Variants in DOCK6 observed in about 807,000 individuals in gnomAD.
The protein encoded by DOCK6 is dedicator of cytokinesis 6, also known as dedicator of cytokinesis protein 6.
DOCK6 carries 167 observed loss-of-function variants against 230.3 expected under a neutral mutation model. The observed-to-expected ratio is 0.73, with a 90% CI of 0.64 to 0.82. DOCK6 has a LOEUF of 0.82. DOCK6 is among the 40% of genes least tolerant of loss of function. DOCK6 has a pLI of 0.00. For missense variants in DOCK6, 2,598 were observed against 2,825.8 expected (o/e 0.92, Z 1.83); for synonymous variants, 1,148 against 1,185.0 (o/e 0.97, Z 0.64).
chr19:11,208,570 C>T (rs566467419), intron 39 of DOCK6, 116 bp downstream of exon 39: 39 of 1,424,288 alleles, frequency 2.7e-5, no homozygotes, highest in East Asian at 2.7e-4. Flanking sequence ...TGAGCCACCG[C>T]GCCCAGCCTA....
At chr19:11,237,077 G>T (rs940049572) in intron 18 of DOCK6, 198 bp from the exon 19 acceptor site, 14 of 605,246 alleles carry the variant, frequency 2.3e-5, no homozygotes, top group Non-Finnish European at 3.8e-5. Flanking sequence ...TGCCAAGACG[G>T]GGGCAGAGAA....
chr19:11,216,518 C>T (rs1178026303), intron 30 of DOCK6, among the ~76,000 whole-genome samples: 2 of 152,070 alleles, frequency 1.3e-5, no homozygotes, highest in African/African-American at 2.4e-5. Context: ...AGTGATTCTC[C>T]TGTCTCAGCC....
intron 14 of DOCK6, chr19:11,238,879 G>T (rs2079893951): frequency 6.4e-6 from 1 of 156,184 alleles, no homozygotes; most frequent in Admixed American, 6.2e-5. Flanking sequence ...CCTTTGTAAT[G>T]ATACTGATGA....
chr19:11,205,246 C>T lies in DOCK6; in HGVS notation c.5089-915G>A, dbSNP rs183054753. ...TTTTTTTAATACTTTGGGGTACATG[C>T]GCAGAACGTGCAGTTTTGTTACATA... is the stretch of plus-strand genomic sequence containing the variant. On this transcript the variant is annotated intron_variant, in intron 39 of 47. Transcript: ENST00000294618. 6.2e-3 allele frequency among the ~76,000 whole-genome samples: 949 copies of T among 152,150 alleles called. 3 individuals carry two copies. Among genetic ancestry groups the T allele is most frequent in the Middle Eastern group, 0.01 (3 of 294 alleles).
Position 11,200,666 on chromosome 19 carries a change from T to A in DOCK6, c.5939+50A>T. ...AGATCAGATGGGCAGAGAGCAGGCC[T>A]ATGCAGGTTAGGCAGACACGAGACC... On this transcript the variant is annotated intron_variant, in intron 46 of 47. Coordinates refer to ENST00000294618, the MANE Select transcript of DOCK6 (RefSeq NM_020812.4). This position sits in a 1 kb window ranked among gnomAD's most constrained non-coding sequence, Gnocchi z 4.3. The A allele has an allele frequency of 6.4e-7, 1 of 1,553,570 alleles. No homozygotes were observed. The highest frequency in any genetic ancestry group is 8.7e-7 in the Non-Finnish European group (1 of 1,145,886).
intron 37 of DOCK6, among the ~76,000 whole-genome samples, chr19:11,210,921 C>T (rs2079373306): frequency 6.6e-6 from 1 of 151,834 alleles, no homozygotes; most frequent in South Asian, 2.1e-4. Context: ...CCTCACCTGT[C>T]TATCCTGTCA....
Position 11,245,857 on chromosome 19 carries a change from G to C in DOCK6, c.828C>G (p.Pro276=). 1 of 1,567,860 alleles carries C rather than the reference G, an allele frequency of 6.4e-7. No individual in the cohort carries two copies. The highest frequency in any genetic ancestry group is 8.7e-7 in the Non-Finnish European group (1 of 1,155,938). Residue 276 remains proline (P), a synonymous_variant, in exon 8 of 48, where the codon CCC becomes CCG. Transcript: ENST00000294618. ...CATACAGAGCCAAGATCCCAAAGATGGGCTCAATTTCAATCTCGAACCTAC... is the reference window on the plus strand; with the variant it reads ...CATACAGAGCCAAGATCCCAAAGATCGGCTCAATTTCAATCTCGAACCTAC... ...LSLKFEIEIE[P]IFGILALYDV...
Position 11,199,297 on chromosome 19 carries a change from G to A in DOCK6, c.*200C>T. On this transcript the variant is annotated 3_prime_UTR_variant, in exon 48 of 48. Transcript: ENST00000294618. Reference sequence around the variant, plus strand: ...GTGACCGCACCACATGGCACAGGTTGCTTATAAAAACCATTTTAAATTAAA... The same window carrying A: ...GTGACCGCACCACATGGCACAGGTTACTTATAAAAACCATTTTAAATTAAA... 1 of 637,198 alleles carries A rather than the reference G, an allele frequency of 1.6e-6. No individual in the cohort carries two copies. The highest frequency in any genetic ancestry group is 2.7e-6 in the Non-Finnish European group (1 of 369,308). 39.5% of individuals were successfully genotyped at this position (637,198 alleles called of 1,614,324 possible). A position where few individuals can be genotyped will look rare whatever the true frequency, so the allele number is the denominator to read the frequency against.
intron 14 of DOCK6, chr19:11,241,787 A>G: frequency 6.5e-7 from 1 of 1,532,244 alleles, no homozygotes; most frequent in Non-Finnish European, 8.8e-7. Context: ...CACTGGGATC[A>G]GCCAGGGCGC....
rs776326229 is a variant in DOCK6 at position 11,199,449 on chromosome 19, G to A, written c.*48C>T. The stretch of plus-strand genomic sequence containing the variant: ...GACTCCCCTCGCAGCACAGACAGCT[G>A]AGGCCCGGGTGCTGGTTCCTCTAGG... On this transcript the variant is annotated 3_prime_UTR_variant, in exon 48 of 48. Transcript: ENST00000294618. 1.3e-6 allele frequency: 2 copies of A among 1,555,558 alleles called. No homozygotes were observed. The highest frequency in any genetic ancestry group is 8.7e-7 in the Non-Finnish European group (1 of 1,148,684).
intron 32 of DOCK6, 125 bp downstream of exon 32, chr19:11,215,262 A>T (rs2079463688): frequency 1.2e-6 from 1 of 834,548 alleles, no homozygotes; most frequent in Non-Finnish European, 1.9e-6. Flanking sequence ...CTAATTTTTA[A>T]ATTTTTGGTA....
At chr19:11,246,477 G>C (rs964772203) in intron 7 of DOCK6, among the ~76,000 whole-genome samples, 1 of 151,888 alleles carries the variant, frequency 6.6e-6, no homozygotes, top group African/African-American at 2.4e-5. Flanking sequence ...GTGCGTGGTG[G>C]GATTTCACCA....
chr19:11,202,229 T>C lies in DOCK6; in HGVS notation c.5452-104A>G. 1.4e-6 allele frequency: 2 copies of C among 1,411,322 alleles called. No homozygotes were observed. The highest frequency in any genetic ancestry group is 2.0e-6 in the Non-Finnish European group (2 of 1,022,054). The allele number at this position is 1,411,322 out of a possible 1,614,324, so 87.4% of individuals were successfully genotyped here. A position where few individuals can be genotyped will look rare whatever the true frequency, so the allele number is the denominator to read the frequency against. Reference sequence around the variant, plus strand: ...TGGGGACTTTGTCATTTCCAAGTCTTCCTATGTCTGGATGTTTGGGAATCC... The same window carrying C: ...TGGGGACTTTGTCATTTCCAAGTCTCCCTATGTCTGGATGTTTGGGAATCC... On this transcript the variant is annotated intron_variant, in intron 43 of 47. Transcript: ENST00000294618. This position sits in a 1 kb window ranked among gnomAD's most constrained non-coding sequence, Gnocchi z 5.3.
At chr19:11,207,942 CAAAG>C (rs2079289635) in intron 39 of DOCK6, among the ~76,000 whole-genome samples, 1 of 151,042 alleles carries the variant, frequency 6.6e-6, no homozygotes, top group African/African-American at 2.4e-5. Context: ...AAAAATATCA[CAAAG>C]AAAAAATATA....
rs1042743489 is a variant in DOCK6, at chr19:11,200,239, C to A, written c.6101+69G>T. 6 of 1,482,914 alleles carry A rather than the reference C, an allele frequency of 4.0e-6. No homozygotes were observed. The highest frequency in any genetic ancestry group is 5.4e-6 in the Non-Finnish European group (6 of 1,103,566). 91.9% of individuals were successfully genotyped at this position (1,482,914 alleles called of 1,614,324 possible). On this transcript the variant is annotated intron_variant, in intron 47 of 47. Coordinates refer to ENST00000294618, the MANE Select transcript of DOCK6 (RefSeq NM_020812.4). The surrounding 1 kb of genome is among the most constrained non-coding windows in gnomAD (Gnocchi z 4.3). ...GTGTATGTGTACAACAGCCCCCATC[C>A]TGTACCTGTCCTGGTCTGCCTCTGC...
Position 11,218,295 on chromosome 19 carries a change from C to T in DOCK6, c.3551-904G>A, listed in dbSNP as rs908640153. Among the ~76,000 whole-genome samples the T allele has an allele frequency of 6.0e-4, 91 of 151,916 alleles. 1 individual carries two copies. The highest frequency in any genetic ancestry group is 1.8e-3 in the African/African-American group (76 of 41,402). ...CCGAGTAGCTGGTATTACAGGTGCG[C>T]GCCACCGTGCATGGCTAATTTTTGT... On this transcript the variant is annotated intron_variant, in intron 28 of 47. Transcript: ENST00000294618.
At position 11,222,197 on chromosome 19, in the gene DOCK6, C is replaced by T. The variant is rs749031100; in HGVS notation, c.3292G>A (p.Glu1098Lys). 32 of 1,607,048 alleles carry T rather than the reference C, an allele frequency of 2.0e-5. No individual in the cohort carries two copies. The highest frequency in any genetic ancestry group is 3.3e-5 in the South Asian group (3 of 89,636). Residue 1098 changes from glutamate (E) to lysine (K), a missense_variant, in exon 27 of 48, where the codon GAA becomes AAA. Transcript: ENST00000294618. The surrounding 1 kb of genome is among the most constrained non-coding windows in gnomAD (Gnocchi z 4.0). ...TGCTGCCGGAATGGTCCACTCAGTTCGAACATGCTGGTCACCTTGGGGTCC... is the reference window on the plus strand; with the variant it reads ...TGCTGCCGGAATGGTCCACTCAGTTTGAACATGCTGGTCACCTTGGGGTCC... ...APDPKVTSMF[E>K]LSGPFRQQHF... is the part of the protein sequence containing the mutation.
Position 11,215,828 on chromosome 19 carries a change from G to A in DOCK6, c.3994C>T (p.Arg1332Ter), listed in dbSNP as rs776952607. 20 of 1,613,936 alleles carry A rather than the reference G, an allele frequency of 1.2e-5. No homozygotes were observed. The highest frequency in any genetic ancestry group is 3.3e-5 in the South Asian group (3 of 91,082). ...EEAILGTIGA[R>*]QEMVRRSRER... ...CGACTTCGCCGAACCATTTCTTGTC[G>A]AGCTCCGATGGTACCCAGAATGGCT... The change falls in exon 31 of 48, where the codon CGA becomes TGA. Residue 1332 changes from arginine (R) to a stop codon, truncating the protein, a stop_gained. Coordinates refer to ENST00000294618, the MANE Select transcript of DOCK6 (RefSeq NM_020812.4). LOFTEE classifies it high-confidence loss of function.
rs748713760 is a variant in DOCK6, at chr19:11,252,904, G to A, written c.187C>T (p.Arg63Trp). 8.7e-6 allele frequency: 14 copies of A among 1,613,252 alleles called. No individual in the cohort carries two copies. The highest frequency in any genetic ancestry group is 4.5e-5 in the East Asian group (2 of 44,850). ...GGCCCGGGCTCAGCATCTGGTGGCC[G>A]GCTCAGAAGTACATCCTCAAAGTCC... The part of the protein sequence containing the change: ...PLDFEDVLLS[R>W]PPDAEPGPLR... The change falls in exon 3 of 48, where the codon CGG (arginine) becomes TGG (tryptophan). Residue 63 changes from arginine to tryptophan, a missense_variant. Transcript: ENST00000294618.
Sources: allele counts gnomAD v4.1 joint callset (sites outside exome capture counted in the v4.1 genomes callset), GRCh38; gene constraint gnomAD v4.1.1; non-coding constraint Gnocchi (gnomAD v3.1); transcripts MANE v1.5; gene names NCBI Gene and HGNC (gene_info 2026-07-23, HGNC 2026-07-21).